Variants in P4HA2 observed in about 807,000 individuals in gnomAD.
P4HA2 encodes the protein prolyl 4-hydroxylase subunit alpha-2.
In P4HA2, 46 loss-of-function variants were observed where a neutral mutation model predicts 76.9. That is an observed-to-expected ratio of 0.60 (90% CI 0.47 to 0.76). The LOEUF (loss-of-function observed/expected upper bound fraction) is 0.76, where lower values mean the gene tolerates loss of function less well. Among genes scored for constraint, P4HA2 ranks in the 30% least tolerant of loss-of-function variants. P4HA2 has a pLI of 0.00. For synonymous variants in P4HA2, 243 were observed against 254.0 expected, an observed-to-expected ratio of 0.96 and a Z score of 0.41; for missense variants, 583 against 669.4, an observed-to-expected ratio of 0.87 and a Z score of 1.42.
At position 132,190,696 on chromosome 5, in the gene P4HA2, A is replaced by G. The variant is rs1482563032; in HGVS notation, c.*2314T>C. Among the ~76,000 whole-genome samples, 1 of 152,176 alleles carries G rather than the reference A, an allele frequency of 6.6e-6. No homozygotes were observed. Among genetic ancestry groups the G allele is most frequent in the Non-Finnish European group, 1.5e-5 (1 of 68,036 alleles). On this transcript the variant is annotated 3_prime_UTR_variant, in exon 15 of 15. Coordinates refer to ENST00000360568, the MANE Select transcript of P4HA2 (RefSeq NM_001017974.2). ...CTCAAATAAGACATAAAAAACATAA[A>G]TCAAAAAGAAAAAGCTTGATAGATT...
Position 132,198,885 on chromosome 5 carries a change from GA to G in P4HA2, c.1298del (p.Phe433SerfsTer17). ...CCTGTGATTTAGGCCTTACCCTAGAGAAGTCGAAGTGCGGTTCATACTGTCC... is the reference window on the plus strand; with the variant it reads ...CCTGTGATTTAGGCCTTACCCTAGAGAGTCGAAGTGCGGTTCATACTGTCC... ...VGGQYEPHFDFSRRPFDSGLK... is the reference protein window; with the variant it reads ...VGGQYEPHFDXSRRPFDSGLK... On this transcript the variant is annotated frameshift_variant, in exon 11 of 15. Coordinates refer to ENST00000360568, the MANE Select transcript of P4HA2 (RefSeq NM_001017974.2). LOFTEE classifies it high-confidence loss of function. The G allele has an allele frequency of 6.2e-7, 1 of 1,610,736 alleles. No individual in the cohort carries two copies. Among genetic ancestry groups the G allele is most frequent in the Non-Finnish European group, 8.5e-7 (1 of 1,176,840 alleles).
chr5:132,196,162 C>T (rs1750613076), intron 12 of P4HA2, among the ~76,000 whole-genome samples: 1 of 152,110 alleles, frequency 6.6e-6, no homozygotes, highest in Non-Finnish European at 1.5e-5. Context: ...TTTTTTTGTC[C>T]ATAATTTAAT....
rs573929673 is a variant in P4HA2 at position 132,198,455 on chromosome 5, G to T, written c.1306-75C>A. 1.1e-4 allele frequency: 157 copies of T among 1,377,364 alleles called. 1 individual carries two copies. In the African/African-American group the frequency reaches 2.0e-3, roughly 17 times the overall value. 85.3% of individuals were successfully genotyped at this position (1,377,364 alleles called of 1,614,324 possible). On this transcript the variant is annotated intron_variant, in intron 11 of 14. Transcript: ENST00000360568. ...CACCCACAAGACTAGGACCAAAAGG[G>T]TCAGGGAAAAGTAATAAGTGTGTGT... is the stretch of plus-strand genomic sequence containing the variant.
At chr5:132,213,504 C>T (rs980088970) in intron 5 of P4HA2, among the ~76,000 whole-genome samples, 3 of 152,114 alleles carry the variant, frequency 2.0e-5, no homozygotes, top group African/African-American at 7.2e-5. Flanking sequence ...GAGGTGGAGA[C>T]AGAATGTATA....
rs183689925 is a variant in P4HA2, at chr5:132,217,510, C to T, written c.180-162G>A. 175 of 676,794 alleles carry T rather than the reference C, an allele frequency of 2.6e-4. 2 individuals are homozygous for T. The East Asian group carries it at 4.6e-3, about 18-fold the overall frequency. 41.9% of individuals were successfully genotyped at this position (676,794 alleles called of 1,614,324 possible). The stretch of plus-strand genomic sequence containing the variant: ...GTAACTCCCCACAGATACTTCTAGC[C>T]CCTTAATCTAGATAACAGCTGGGAC... On this transcript the variant is annotated intron_variant, in intron 3 of 14. Coordinates refer to ENST00000360568, the MANE Select transcript of P4HA2 (RefSeq NM_001017974.2).
At chr5:132,203,185 C>T (rs986509980) in intron 10 of P4HA2, among the ~76,000 whole-genome samples, 1 of 152,236 alleles carries the variant, frequency 6.6e-6, no homozygotes, top group Non-Finnish European at 1.5e-5. Flanking sequence ...ATTGCTGCAG[C>T]CCACTCTGCA....
At chr5:132,207,981 C>G in intron 7 of P4HA2, 97 bp from the exon 8 acceptor site, 4 of 895,218 alleles carry the variant, frequency 4.5e-6, no homozygotes, top group Non-Finnish European at 5.1e-6. Context: ...TCATGGCCAG[C>G]AGCTGCTCCC....
intron 3 of P4HA2, 37 bp downstream of exon 3, chr5:132,217,715 G>GGGGCA: frequency 7.8e-7 from 1 of 1,274,356 alleles, no homozygotes; most frequent in Non-Finnish European, 1.1e-6. Flanking sequence ...CAGAAGGGAA[G>GGGGCA]GAAGGCCAAC....
At chr5:132,205,670 C>G (rs10075459) in intron 8 of P4HA2, among the ~76,000 whole-genome samples, 52,713 of 151,874 alleles carry the variant, frequency 0.35, 10,138 homozygotes, top group Non-Finnish European at 0.45. Context: ...TGAGATGGAC[C>G]AACTTGGACA....
intron 4 of P4HA2, among the ~76,000 whole-genome samples, chr5:132,216,554 A>T (rs527555214): frequency 2.6e-5 from 4 of 152,198 alleles, no homozygotes; most frequent in Non-Finnish European, 5.9e-5. Flanking sequence ...GTTGCAGAAG[A>T]ACATTGAATG....
At chr5:132,195,370 G>A (rs752633704) in intron 13 of P4HA2, 42 bp downstream of exon 13, 1 of 1,418,532 alleles carries the variant, frequency 7.0e-7, no homozygotes, top group Non-Finnish European at 1.0e-6. Context: ...AGTAAAGTCT[G>A]AGCCTTGCTT....
intron 12 of P4HA2, chr5:132,198,067 G>A: frequency 6.9e-7 from 1 of 1,455,980 alleles, no homozygotes; most frequent in Admixed American, 2.7e-5. Flanking sequence ...CCCTACTGCA[G>A]CCAAGAAGGG....
rs76366599 is a variant in P4HA2 at position 132,194,610 on chromosome 5, T to G, written c.1531+316A>C. Among the ~76,000 whole-genome samples, 438 of 152,330 alleles carry G rather than the reference T, an allele frequency of 2.9e-3. 3 individuals carry two copies. The highest frequency in any genetic ancestry group is 9.9e-3 in the African/African-American group (412 of 41,572). ...TGCCTGAGACACTCTTTCCCCTCACTGCTTCCAGCTCTCCACTCTGCTCCC... is the reference window on the plus strand; with the variant it reads ...TGCCTGAGACACTCTTTCCCCTCACGGCTTCCAGCTCTCCACTCTGCTCCC... On this transcript the variant is annotated intron_variant, in intron 14 of 14. Coordinates refer to ENST00000360568, the MANE Select transcript of P4HA2 (RefSeq NM_001017974.2).
chr5:132,209,698 C>T (rs749301218), intron 6 of P4HA2, among the ~76,000 whole-genome samples: 11 of 143,348 alleles, frequency 7.7e-5, no homozygotes, highest in Non-Finnish European at 1.3e-4. Context: ...TCTCATCAAC[C>T]CGGGAGGCGG....
At chr5:132,207,339 C>T (rs1002084870) in intron 8 of P4HA2, among the ~76,000 whole-genome samples, 1 of 152,184 alleles carries the variant, frequency 6.6e-6, no homozygotes, top group Non-Finnish European at 1.5e-5. Context: ...ACCTCATTTA[C>T]AGTCCTAATC....
intron 10 of P4HA2, chr5:132,201,738 G>C (rs1751507936): frequency 6.6e-6 from 1 of 152,192 alleles, no homozygotes; most frequent in Non-Finnish European, 1.5e-5. Flanking sequence ...CACAATGAGA[G>C]GCCAGACAAG....
intron 4 of P4HA2, 24 bp from the exon 5 acceptor site, chr5:132,214,077 G>C (rs1214878108): frequency 1.9e-6 from 3 of 1,612,350 alleles, no homozygotes; most frequent in Non-Finnish European, 2.5e-6. Flanking sequence ...GTCAGAACAA[G>C]AGATTACCCT....
Position 132,213,991 on chromosome 5 carries a change from C to T in P4HA2, c.394G>A (p.Ala132Thr), listed in dbSNP as rs756046457. The change falls in exon 5 of 15, where the codon GCT (alanine) becomes ACT (threonine). Residue 132 changes from alanine (A) to threonine (T), a missense_variant. Transcript: ENST00000360568. ...FFPTDEDEIG[A>T]AKALMRLQDT... ...TGAAGTCTCATCAGGGCTTTGGCAGCTCCTATCTCGTCCTCATCAGTGGGG... is the reference window on the plus strand; with the variant it reads ...TGAAGTCTCATCAGGGCTTTGGCAGTTCCTATCTCGTCCTCATCAGTGGGG... 1 of 1,614,068 alleles carries T rather than the reference C, an allele frequency of 6.2e-7. No individual in the cohort carries two copies. Among genetic ancestry groups the T allele is most frequent in the South Asian group, 1.1e-5 (1 of 91,080 alleles).
At chr5:132,211,656 G>T (rs1194956071) in intron 5 of P4HA2, among the ~76,000 whole-genome samples, 1 of 152,128 alleles carries the variant, frequency 6.6e-6, no homozygotes, top group African/African-American at 2.4e-5. Context: ...TTCTCCACAG[G>T]TCTCCTCTGG....
Sources: gnomAD v4.1 joint callset for allele counts (sites outside exome capture counted in the v4.1 genomes callset) on GRCh38, gnomAD v4.1.1 for gene constraint, MANE v1.5 for transcripts, NCBI Gene and HGNC (gene_info 2026-07-23, HGNC 2026-07-21) for gene names.